Variants in CCDC149 observed in about 807,000 individuals in gnomAD.
The protein encoded by CCDC149 is coiled-coil domain containing 149.
CCDC149 carries 45 observed loss-of-function variants against 59.9 expected under a neutral mutation model. That is an observed-to-expected ratio of 0.75 (90% CI 0.59 to 0.96). The LOEUF (loss-of-function observed/expected upper bound fraction) is 0.96. Ranked by LOEUF, CCDC149 falls within the 40% of genes least tolerant of loss-of-function variation. The probability of loss-of-function intolerance (pLI) is 0.00; values close to 1 mark genes in which losing one functional copy is unlikely to be tolerated. For missense variants in CCDC149, 584 were observed against 664.7 expected, an observed-to-expected ratio of 0.88 and a Z score of 1.33; for synonymous variants, 245 against 260.6, an observed-to-expected ratio of 0.94 and a Z score of 0.58.
chr4:24,913,962 C>T (rs1211147529), upstream of CCDC149, among the ~76,000 whole-genome samples: 4 of 152,172 alleles, frequency 2.6e-5, no homozygotes, highest in Non-Finnish European at 4.4e-5. Flanking sequence ...CAATAGTGAG[C>T]CCTCTGTACT....
chr4:24,969,214 G>T (rs1723890034), intron 1 of CCDC149, among the ~76,000 whole-genome samples: 1 of 152,210 alleles, frequency 6.6e-6, no homozygotes, highest in Non-Finnish European at 1.5e-5. Context: ...GATAGGGTGA[G>T]TGCCCTTGAC....
chr4:24,838,413 G>A, intron 4 of CCDC149, 141 bp from the exon 5 acceptor site: 2 of 643,480 alleles, frequency 3.1e-6, no homozygotes, highest in South Asian at 1.9e-5. Flanking sequence ...TTACTTGCCA[G>A]TATCATCCAT....
intron 1 of CCDC149, among the ~76,000 whole-genome samples, chr4:24,975,346 AGGGAG>A (rs1724134272): frequency 8.7e-6 from 1 of 115,086 alleles, no homozygotes; most frequent in Non-Finnish European, 1.8e-5. Context: ...GGGGAAGGAG[AGGGAG>A]GGGAGGGGAG....
At chr4:24,821,179 T>G in intron 10 of CCDC149, 92 bp from the exon 11 acceptor site, 1 of 651,446 alleles carries the variant, frequency 1.5e-6, no homozygotes, top group Non-Finnish European at 2.2e-6. Flanking sequence ...CATAGAAAAT[T>G]CTCGGCATTT....
intron 1 of CCDC149, among the ~76,000 whole-genome samples, chr4:24,959,834 A>G (rs1342454750): frequency 2.6e-5 from 4 of 152,210 alleles, no homozygotes; most frequent in African/African-American, 4.8e-5. Flanking sequence ...CAAATGCAAA[A>G]TAAAGATGTT....
intron 1 of CCDC149, among the ~76,000 whole-genome samples, chr4:24,957,449 T>C (rs1015697256): frequency 3.3e-5 from 5 of 152,196 alleles, no homozygotes; most frequent in African/African-American, 1.2e-4. Context: ...TGACTTGATA[T>C]GAAGGTGTTG....
intron 1 of CCDC149, among the ~76,000 whole-genome samples, chr4:24,937,463 T>A (rs569183127): frequency 6.6e-6 from 1 of 152,350 alleles, no homozygotes; most frequent in East Asian, 1.9e-4. Flanking sequence ...TTCAGTGGCT[T>A]AACAAATAGG....
intron 1 of CCDC149, among the ~76,000 whole-genome samples, chr4:24,959,891 C>T (rs1189517502): frequency 2.0e-5 from 3 of 152,124 alleles, no homozygotes; most frequent in African/African-American, 7.2e-5. Context: ...TAGACCTGCA[C>T]TACAACAAAT....
At chr4:24,906,406 T>TTTTATTTTA (rs1560249602) in intron 1 of CCDC149, among the ~76,000 whole-genome samples, 40 of 145,926 alleles carry the variant, frequency 2.7e-4, no homozygotes, top group African/African-American at 1.0e-3. Flanking sequence ...TTTTATTTTA[T>TTTTATTTTA]TTTACTTTAT....
In CCDC149 at chr4:24,808,217, C is replaced by T. The variant is rs1379074119; in HGVS notation, c.*172G>A. 8.4e-6 allele frequency: 4 copies of T among 475,792 alleles called. No individual in the cohort carries two copies. The highest frequency in any genetic ancestry group is 1.1e-5 in the Non-Finnish European group (3 of 284,760). The allele number at this position is 475,792 out of a possible 1,614,324, so 29.5% of individuals were successfully genotyped here. Reference sequence around the variant, plus strand: ...GAGGACCTACATTTAATAAATCAAACTGTACTGGCATCATCAGAATATTCA... The same window carrying T: ...GAGGACCTACATTTAATAAATCAAATTGTACTGGCATCATCAGAATATTCA... On this transcript the variant is annotated 3_prime_UTR_variant, in exon 13 of 13. Transcript: ENST00000635206.
chr4:24,968,156 G>A (rs2109365505), intron 1 of CCDC149, among the ~76,000 whole-genome samples: 1 of 152,372 alleles, frequency 6.6e-6, no homozygotes, highest in Non-Finnish European at 1.5e-5. Flanking sequence ...TGAGCTGGAT[G>A]TGCATGTGAC....
chr4:24,845,629 T>G (rs1375677257), intron 4 of CCDC149, among the ~76,000 whole-genome samples: 1 of 152,228 alleles, frequency 6.6e-6, no homozygotes, highest in Non-Finnish European at 1.5e-5. Flanking sequence ...TCCATCTGCC[T>G]CCACTAGAAC....
At chr4:24,917,981 C>T (rs1441554340), upstream of CCDC149, among the ~76,000 whole-genome samples, 1 of 151,832 alleles carries the variant, frequency 6.6e-6, no homozygotes. Context: ...AAACGTCTGA[C>T]TTGGGGGTCA....
chr4:24,884,964 G>C (rs962019060), intron 1 of CCDC149, among the ~76,000 whole-genome samples: 1 of 152,174 alleles, frequency 6.6e-6, no homozygotes, highest in Non-Finnish European at 1.5e-5. Flanking sequence ...GATAGACGGA[G>C]CTGTGACAAG....
intron 1 of CCDC149, among the ~76,000 whole-genome samples, chr4:24,961,145 A>T (rs1223723173): frequency 6.6e-6 from 1 of 152,164 alleles, no homozygotes; most frequent in African/African-American, 2.4e-5. Context: ...ATTTTAAAGG[A>T]TTCTAGTTCA....
downstream of CCDC149, among the ~76,000 whole-genome samples, chr4:24,804,185 T>A (rs963057703): frequency 6.6e-6 from 1 of 152,116 alleles, no homozygotes; most frequent in African/African-American, 2.4e-5. Context: ...GAAGGTACTC[T>A]CTTTTTCAAA....
chr4:24,823,041 T>C (rs1715512376), intron 9 of CCDC149: 1 of 152,506 alleles, frequency 6.6e-6, no homozygotes, highest in African/African-American at 2.4e-5. Context: ...AGTCAATACA[T>C]AATACCATCA....
chr4:24,831,505 CTTG>C lies in CCDC149; in HGVS notation c.963_965del (p.Asn321del). ...CCCAACACAAGAGTTTGGCCACCTACTTGTTGGTTTGCCTCTGGTGCTGAATGA... is the reference window on the plus strand; with the variant it reads ...CCCAACACAAGAGTTTGGCCACCTACTTGGTTTGCCTCTGGTGCTGAATGA... On this transcript the variant is annotated inframe_deletion and splice_region_variant, in exon 9 of 13. Coordinates refer to ENST00000635206, the MANE Select transcript of CCDC149 (RefSeq NM_001330643.2). 6.2e-7 allele frequency: 1 copy of C among 1,613,806 alleles called. No homozygotes were observed. The highest frequency in any genetic ancestry group is 8.5e-7 in the Non-Finnish European group (1 of 1,179,920).
chr4:24,957,885 G>A (rs1016959592), intron 1 of CCDC149, among the ~76,000 whole-genome samples: 1 of 152,176 alleles, frequency 6.6e-6, no homozygotes, highest in African/African-American at 2.4e-5. Flanking sequence ...GGAATGGGAA[G>A]GTCTAGGAAG....
Sources: gnomAD v4.1 joint callset for allele counts (sites outside exome capture counted in the v4.1 genomes callset) on GRCh38, gnomAD v4.1.1 for gene constraint, MANE v1.5 for transcripts, NCBI Gene and HGNC (gene_info 2026-07-23, HGNC 2026-07-21) for gene names.